Variants in POU6F2 observed in about 807,000 individuals in gnomAD.
POU6F2 encodes the protein POU class 6 homeobox 2.
In POU6F2, 31 loss-of-function variants were observed where a neutral mutation model predicts 71.3. The observed-to-expected ratio is 0.43, with a 90% CI of 0.33 to 0.59. The LOEUF (loss-of-function observed/expected upper bound fraction) is 0.59. Among genes scored for constraint, POU6F2 ranks in the 20% least tolerant of loss-of-function variants. POU6F2 has a pLI of 0.04. For synonymous variants in POU6F2, 347 were observed against 355.7 expected, an observed-to-expected ratio of 0.98 and a Z score of 0.27; for missense variants, 783 against 856.8, an observed-to-expected ratio of 0.91 and a Z score of 1.07.
intron 3 of POU6F2, 46 bp from the exon 4 acceptor site, chr7:39,207,346 C>G: frequency 6.3e-7 from 1 of 1,576,550 alleles, no homozygotes; most frequent in African/African-American, 1.3e-5. Flanking sequence ...AAACCCATGC[C>G]TTGGTTCCAC....
At chr7:39,386,928 A>T (rs946982931) in intron 5 of POU6F2, among the ~76,000 whole-genome samples, 8 of 152,200 alleles carry the variant, frequency 5.3e-5, no homozygotes, top group Non-Finnish European at 8.8e-5. Context: ...GCCCCCTTGC[A>T]TTGGGCTCAT....
At chr7:39,419,480 T>A (rs951578003) in intron 6 of POU6F2, among the ~76,000 whole-genome samples, 2 of 152,102 alleles carry the variant, frequency 1.3e-5, no homozygotes, top group Non-Finnish European at 2.9e-5. Context: ...CCTCAAGTGA[T>A]CCGCCCACCT....
intron 8 of POU6F2, among the ~76,000 whole-genome samples, chr7:39,459,646 G>A (rs867700502): frequency 6.6e-6 from 1 of 152,326 alleles, no homozygotes; most frequent in African/African-American, 2.4e-5. Flanking sequence ...CGAGGAATGA[G>A]GTGAAGAACA....
At chr7:39,242,989 C>T (rs1783754156) in intron 4 of POU6F2, among the ~76,000 whole-genome samples, 1 of 152,102 alleles carries the variant, frequency 6.6e-6, no homozygotes, top group African/African-American at 2.4e-5. Context: ...GTAACCACCA[C>T]ACAATACTGT....
chr7:39,429,124 A>T (rs1279148436), intron 6 of POU6F2, among the ~76,000 whole-genome samples: 5 of 151,482 alleles, frequency 3.3e-5, no homozygotes, highest in Non-Finnish European at 7.4e-5. Context: ...ATAATAAAAA[A>T]AAAAAAACTC....
chr7:39,236,014 C>G (rs1280259978), intron 4 of POU6F2, among the ~76,000 whole-genome samples: 1 of 152,194 alleles, frequency 6.6e-6, no homozygotes, highest in East Asian at 1.9e-4. Context: ...TGGAACGTCT[C>G]TGGAGTAGAT....
intron 4 of POU6F2, among the ~76,000 whole-genome samples, chr7:39,298,534 G>A (rs1446837429): frequency 6.6e-6 from 1 of 152,162 alleles, no homozygotes; most frequent in African/African-American, 2.4e-5. Flanking sequence ...TGGAGAAATA[G>A]GAACACTTTT....
At chr7:39,418,997 GTATATATGTGTATATATGTA>G (rs1456930367) in intron 6 of POU6F2, among the ~76,000 whole-genome samples, 91 of 135,654 alleles carry the variant, frequency 6.7e-4, no homozygotes, top group African/African-American at 2.3e-3. Flanking sequence ...GTATATATGT[GTATATATGTGTATATATGTA>G]TATATATGTG....
chr7:39,340,070 G>A (rs1785882387), intron 5 of POU6F2, 55 bp downstream of exon 5: 1 of 1,522,398 alleles, frequency 6.6e-7, no homozygotes, highest in East Asian at 2.3e-5. Context: ...CCTTTCCATG[G>A]GGTGGTGCCA....
chr7:39,164,924 A>C (rs1407953249), intron 2 of POU6F2, among the ~76,000 whole-genome samples: 2 of 152,174 alleles, frequency 1.3e-5, no homozygotes, highest in Non-Finnish European at 2.9e-5. Flanking sequence ...CATTAGGTAC[A>C]TTAGATATGG....
intron 2 of POU6F2, among the ~76,000 whole-genome samples, chr7:39,139,691 A>G (rs1271307477): frequency 2.0e-5 from 3 of 152,314 alleles, no homozygotes; most frequent in Admixed American, 1.3e-4. Context: ...ATGTGCAAAC[A>G]GAAGAGGATT....
At chr7:39,037,497 G>C (rs1419650352) in intron 1 of POU6F2, among the ~76,000 whole-genome samples, 1 of 145,596 alleles carries the variant, frequency 6.9e-6, no homozygotes, top group Non-Finnish European at 1.6e-5. Context: ...AGAGATGAAG[G>C]TTGTCTTCTT....
At chr7:39,232,350 C>G (rs1390531278) in intron 4 of POU6F2, among the ~76,000 whole-genome samples, 1 of 151,972 alleles carries the variant, frequency 6.6e-6, no homozygotes, top group African/African-American at 2.4e-5. Context: ...TAACCAAGTG[C>G]TGCTTACCTG....
chr7:39,385,444 GAGA>G (rs1377289142), intron 5 of POU6F2, among the ~76,000 whole-genome samples: 1 of 152,202 alleles, frequency 6.6e-6, no homozygotes, highest in Non-Finnish European at 1.5e-5. Flanking sequence ...ACCAGTGAGA[GAGA>G]AGTATGCTAG....
At chr7:39,148,643 C>T (rs1479662451) in intron 2 of POU6F2, among the ~76,000 whole-genome samples, 1 of 151,150 alleles carries the variant, frequency 6.6e-6, no homozygotes, top group Admixed American at 6.6e-5. Flanking sequence ...GAATGCTGTC[C>T]ATGGATATTG....
chr7:39,448,199 G>T (rs189321483), intron 7 of POU6F2, among the ~76,000 whole-genome samples: 1 of 152,172 alleles, frequency 6.6e-6, no homozygotes, highest in African/African-American at 2.4e-5. Context: ...AAGGAAAGAC[G>T]TTATGAAGGC....
At chr7:39,309,846 T>G (rs1407594221) in intron 4 of POU6F2, among the ~76,000 whole-genome samples, 1 of 152,206 alleles carries the variant, frequency 6.6e-6, no homozygotes. Context: ...AATTGTGGCC[T>G]TTTAAACCTT....
chr7:39,083,736 A>G (rs971931168), intron 1 of POU6F2: 1 of 152,200 alleles, frequency 6.6e-6, no homozygotes. Context: ...CATTGATTAC[A>G]TTGATTATAT....
chr7:38,986,120 A>C (rs1053717500), intron 1 of POU6F2, among the ~76,000 whole-genome samples: 2 of 152,122 alleles, frequency 1.3e-5, no homozygotes, highest in Admixed American at 6.6e-5. Context: ...ATAATCTAAA[A>C]ATATTTTGTC....
Sources: allele counts gnomAD v4.1 joint callset (sites outside exome capture counted in the v4.1 genomes callset), GRCh38; gene constraint gnomAD v4.1.1; transcripts MANE v1.5; gene names NCBI Gene and HGNC (gene_info 2026-07-23, HGNC 2026-07-21).